Variants in POC1B observed in about 807,000 individuals in gnomAD.
POC1B encodes POC1 centriolar protein B.
In POC1B, 44 loss-of-function variants were observed where a neutral mutation model predicts 60.6. The observed-to-expected ratio is 0.73, with a 90% CI of 0.57 to 0.93. The LOEUF is 0.93. Among genes scored for constraint, POC1B ranks in the 40% least tolerant of loss-of-function variants. The pLI is 0.00. For synonymous variants in POC1B, 180 were observed against 198.9 expected (o/e 0.90, Z 0.80); for missense variants, 555 against 572.3 (o/e 0.97, Z 0.31).
the POC1B span, among the ~76,000 whole-genome samples, chr12:89,406,839 T>G: frequency 2.6e-5 from 4 of 151,894 alleles, no homozygotes; most frequent in Admixed American, 2.6e-4. Flanking sequence ...GGTCTTCCAA[T>G]TTTTCAACAG....
chr12:89,492,719 C>T (rs1342533355), intron 3 of POC1B, among the ~76,000 whole-genome samples: 1 of 152,152 alleles, frequency 6.6e-6, no homozygotes, highest in East Asian at 1.9e-4. Flanking sequence ...GTGACATCCG[C>T]CTGTGTCCAA....
intron 2 of POC1B, chr12:89,502,666 G>A (rs1869634071): frequency 1.5e-6 from 2 of 1,335,976 alleles, no homozygotes; most frequent in African/African-American, 2.9e-5. Flanking sequence ...TTTTTGTTAA[G>A]CATGGTGAGT....
intron 4 of POC1B, among the ~76,000 whole-genome samples, chr12:89,490,120 CG>C (rs1277101659): frequency 2.0e-5 from 3 of 152,072 alleles, no homozygotes; most frequent in Non-Finnish European, 4.4e-5. Flanking sequence ...AAGAGAGAGG[CG>C]TAACAGTACT....
chr12:89,502,026 G>T, intron 2 of POC1B: 1 of 990,526 alleles, frequency 1.0e-6, no homozygotes. Context: ...GAAGCTCAAA[G>T]AATGAAGATA....
chr12:89,499,888 T>C (rs1268942492), intron 2 of POC1B, among the ~76,000 whole-genome samples: 3 of 152,270 alleles, frequency 2.0e-5, no homozygotes, highest in Admixed American at 6.5e-5. Context: ...ACGTGTTTGT[T>C]GAGGGCAGAG....
intron 10 of POC1B, among the ~76,000 whole-genome samples, chr12:89,436,209 C>T (rs1175902055): frequency 6.6e-6 from 1 of 151,994 alleles, no homozygotes; most frequent in Non-Finnish European, 1.5e-5. Flanking sequence ...TCTCGGCCTT[C>T]CAAAGTGCTG....
At chr12:89,449,811 G>C (rs1368570827) in intron 10 of POC1B, among the ~76,000 whole-genome samples, 1 of 151,952 alleles carries the variant, frequency 6.6e-6, no homozygotes, top group African/African-American at 2.4e-5. Flanking sequence ...AACAGATAAT[G>C]GATCAAGAAC....
chr12:89,500,561 G>A (rs929207574), intron 2 of POC1B: 26 of 1,606,024 alleles, frequency 1.6e-5, no homozygotes, highest in Non-Finnish European at 2.2e-5. Flanking sequence ...CTTATCTGTT[G>A]GCTCACCTTC....
At chr12:89,501,340 A>G (rs1175202407) in intron 2 of POC1B, 1 of 994,240 alleles carries the variant, frequency 1.0e-6, no homozygotes, top group Admixed American at 1.9e-5. Context: ...ATCATCTGGA[A>G]GCAAAAGGAC....
At chr12:89,470,962 C>T (rs906035896) in intron 6 of POC1B, among the ~76,000 whole-genome samples, 2 of 152,124 alleles carry the variant, frequency 1.3e-5, no homozygotes, top group Non-Finnish European at 2.9e-5. Flanking sequence ...ACACAATGAT[C>T]AAAAGTTAAT....
At chr12:89,496,235 A>G (rs1869239038) in intron 3 of POC1B, among the ~76,000 whole-genome samples, 1 of 152,038 alleles carries the variant, frequency 6.6e-6, no homozygotes, top group Non-Finnish European at 1.5e-5. Context: ...ACAGTTCACA[A>G]TAGGGTTTGT....
chr12:89,415,375 G>A (rs1471120878), downstream of POC1B, among the ~76,000 whole-genome samples: 1 of 152,192 alleles, frequency 6.6e-6, no homozygotes, highest in Non-Finnish European at 1.5e-5. Context: ...CGGGTGCGGT[G>A]GCTCACGCCT....
intron 10 of POC1B, 68 bp downstream of exon 10, chr12:89,459,570 A>G: frequency 1.1e-6 from 1 of 939,792 alleles, no homozygotes; most frequent in Non-Finnish European, 1.5e-6. Flanking sequence ...TTTTTAAAGG[A>G]AAATGGATTA....
rs74334661 is a variant in POC1B at position 89,486,261 on chromosome 12, T to C, written c.452+5675A>G. Among the ~76,000 whole-genome samples the C allele has an allele frequency of 5.1e-3, 779 of 152,264 alleles. 9 individuals are homozygous for C. The highest frequency in any genetic ancestry group is 0.018 in the African/African-American group (731 of 41,544). On this transcript the variant is annotated intron_variant, in intron 4 of 11. Transcript: ENST00000313546. ...CGAAGTCTAATAGGGAAGAGAGGCC[T>C]AAGCTGATAAACAGACCTCATAAGA...
chr12:89,447,940 G>A (rs7134172), intron 10 of POC1B, among the ~76,000 whole-genome samples: 79,211 of 151,446 alleles, frequency 0.52, 21,087 homozygotes, highest in African/African-American at 0.61. Context: ...AACATGGAGC[G>A]ACTGGACCTC....
At chr12:89,440,024 T>G (rs1051996456) in intron 10 of POC1B, among the ~76,000 whole-genome samples, 1 of 152,198 alleles carries the variant, frequency 6.6e-6, no homozygotes, top group Non-Finnish European at 1.5e-5. Flanking sequence ...ACTTTCACAG[T>G]TTTTGCTTAC....
intron 11 of POC1B, among the ~76,000 whole-genome samples, chr12:89,424,466 T>C (rs1383511266): frequency 1.3e-5 from 2 of 152,238 alleles, no homozygotes; most frequent in Non-Finnish European, 2.9e-5. Context: ...TATTTTACCA[T>C]CTTTTTATAT....
intron 9 of POC1B, chr12:89,461,441 G>C (rs1399983704): frequency 2.0e-5 from 3 of 152,184 alleles, no homozygotes; most frequent in East Asian, 1.9e-4. Flanking sequence ...GAAGGAATTT[G>C]GGAAGGCACA....
At chr12:89,479,563 T>C (rs990701425) in intron 4 of POC1B, among the ~76,000 whole-genome samples, 19 of 151,024 alleles carry the variant, frequency 1.3e-4, no homozygotes, top group Non-Finnish European at 4.4e-5. Context: ...TTTATTTAAA[T>C]TAACCTTTGT....
Sources: gnomAD v4.1 joint callset for allele counts (sites outside exome capture counted in the v4.1 genomes callset) on GRCh38, gnomAD v4.1.1 for gene constraint, MANE v1.5 for transcripts, NCBI Gene and HGNC (gene_info 2026-07-23, HGNC 2026-07-21) for gene names.